Variants in ANK3 observed in about 807,000 individuals in gnomAD.
The protein encoded by ANK3 is ankyrin-3.
Under a neutral mutation model 370.9 loss-of-function variants are expected in ANK3, and 57 were observed. That is an observed-to-expected ratio of 0.15 (90% CI 0.12 to 0.19). The LOEUF is 0.19. Ranked by LOEUF, ANK3 falls within the 10% of genes least tolerant of loss-of-function variation. The probability of loss-of-function intolerance (pLI) is 1.00; values close to 1 mark genes in which losing one functional copy is unlikely to be tolerated. For synonymous variants in ANK3, 1,929 were observed against 1,946.3 expected (o/e 0.99, Z 0.23); for missense variants, 4,439 against 5,302.1 (o/e 0.84, Z 5.06).
rs1419479489 is a variant in ANK3, at chr10:60,080,713, G to C, written c.4351-95C>G. The C allele has an allele frequency of 1.0e-5, 10 of 973,350 alleles. No homozygotes were observed. The East Asian group carries it at 2.7e-4, about 26-fold the overall frequency. 60.3% of individuals were successfully genotyped at this position (973,350 alleles called of 1,614,324 possible). ...TTGTAGGATGGCATGTTGATAACTT[G>C]TTTATTTTCCTTCTTAGGAAATGTT... On this transcript the variant is annotated intron_variant, in intron 35 of 43. Transcript: ENST00000280772.
At chr10:60,271,568 T>C (rs1334551807) in intron 4 of ANK3, among the ~76,000 whole-genome samples, 5 of 152,222 alleles carry the variant, frequency 3.3e-5, no homozygotes, top group South Asian at 4.2e-4. Flanking sequence ...GTTCCAGAAA[T>C]TTTACTGTAT....
intron 33 of ANK3, among the ~76,000 whole-genome samples, chr10:60,083,085 TC>T (rs1675825773): frequency 6.6e-6 from 1 of 152,154 alleles, no homozygotes; most frequent in Admixed American, 6.6e-5. Context: ...AATTTTCCTC[TC>T]TCCTTCTGTT....
At chr10:60,686,723 T>C (rs1362068031) in intron 1 of ANK3, among the ~76,000 whole-genome samples, 2 of 152,166 alleles carry the variant, frequency 1.3e-5, no homozygotes, top group African/African-American at 4.8e-5. Context: ...CATGACACAG[T>C]CTCTTCATAG....
At chr10:60,330,227 C>T (rs780397882) in intron 1 of ANK3, among the ~76,000 whole-genome samples, 1 of 152,092 alleles carries the variant, frequency 6.6e-6, no homozygotes, top group Admixed American at 6.5e-5. Context: ...TAGGCATGGG[C>T]GAAGACTTCA....
At chr10:60,261,253 C>A (rs532227228) in intron 7 of ANK3, among the ~76,000 whole-genome samples, 5 of 152,246 alleles carry the variant, frequency 3.3e-5, no homozygotes, top group East Asian at 1.9e-4. Context: ...AGCTGAACAC[C>A]AGTTTTTAAA....
intron 1 of ANK3, among the ~76,000 whole-genome samples, chr10:60,338,494 A>G (rs1407203014): frequency 6.6e-6 from 1 of 152,202 alleles, no homozygotes; most frequent in Non-Finnish European, 1.5e-5. Context: ...GAAATGGGCT[A>G]TAAGCAGACA....
chr10:60,063,237 C>T lies in ANK3; in HGVS notation c.12469G>A (p.Val4157Ile), dbSNP rs2080953125. ...KNATTDALTS[V>I]LTKINRIDIV... is the part of the protein sequence containing the mutation. ...TCTATTCGATTAATTTTTGTCAAGA[C>T]CGAAGTTAAGGCATCAGCTGAAAAG... The change falls in exon 40 of 44, where the codon GTC (valine) becomes ATC (isoleucine). Residue 4157 changes from valine to isoleucine, a missense_variant. Physicochemically the swap from Val to Ile is conservative, Grantham distance 29. This residue lies in a region of ANK3 where 99 missense variants were observed against 150.7 expected (regional missense o/e 0.66). Coordinates refer to ENST00000280772, the MANE Select transcript of ANK3 (RefSeq NM_020987.5). The T allele has an allele frequency of 2.5e-6, 4 of 1,606,722 alleles. No homozygotes were observed. The highest frequency in any genetic ancestry group is 2.5e-6 in the Non-Finnish European group (3 of 1,177,540).
rs189263064 is a variant in ANK3 at position 60,409,157 on chromosome 10, G to A, written c.97-129518C>T. Among the ~76,000 whole-genome samples, 27 of 152,228 alleles carry A rather than the reference G, an allele frequency of 1.8e-4. 1 individual carries two copies. The East Asian group carries it at 2.9e-3, about 16-fold the overall frequency. On this transcript the variant is annotated intron_variant, in intron 2 of 43. Coordinates refer to the ANK3 transcript ENST00000373827. ...AGTGAGGGTTACAGCTGATTTCTCC[G>A]TTTTATGGGTTTCATTAAAAAGAAA...
intron 1 of ANK3, among the ~76,000 whole-genome samples, chr10:60,687,600 C>A (rs140593831): frequency 5.3e-5 from 8 of 152,056 alleles, no homozygotes; most frequent in Non-Finnish European, 1.2e-4. Flanking sequence ...GATGCCCTTG[C>A]ACACTATTGG....
At chr10:60,609,605 A>C (rs577766897) in intron 2 of ANK3, among the ~76,000 whole-genome samples, 1 of 152,176 alleles carries the variant, frequency 6.6e-6, no homozygotes, top group South Asian at 2.1e-4. Context: ...CAAAACAGTG[A>C]GATAATATGA....
intron 7 of ANK3, among the ~76,000 whole-genome samples, chr10:60,241,011 A>T (rs2097448278): frequency 6.6e-6 from 1 of 152,172 alleles, no homozygotes; most frequent in African/African-American, 2.4e-5. Flanking sequence ...AGATGGTTGT[A>T]TTTTAATATT....
intron 7 of ANK3, among the ~76,000 whole-genome samples, chr10:60,248,648 A>T (rs1334026303): frequency 6.6e-6 from 1 of 152,232 alleles, no homozygotes; most frequent in Non-Finnish European, 1.5e-5. Flanking sequence ...AGGCTCTATG[A>T]AACATGCCTC....
intron 1 of ANK3, among the ~76,000 whole-genome samples, chr10:60,635,976 T>C (rs1224601979): frequency 2.0e-5 from 3 of 152,190 alleles, no homozygotes; most frequent in Admixed American, 1.3e-4. Flanking sequence ...ATTTTAACTA[T>C]ATTCATAGTG....
chr10:60,174,242 C>T (rs1001987452), intron 18 of ANK3, among the ~76,000 whole-genome samples: 9 of 152,186 alleles, frequency 5.9e-5, no homozygotes, highest in South Asian at 2.1e-4. Flanking sequence ...TGCCCTAGAG[C>T]GGTGACTCTT....
chr10:60,104,405 G>GAAAGAAAGA (rs2091880730), intron 28 of ANK3, among the ~76,000 whole-genome samples: 1 of 88,290 alleles, frequency 1.1e-5, no homozygotes, highest in Non-Finnish European at 2.0e-5. Context: ...AACAAAGAAA[G>GAAAGAAAGA]AAAGAAAAGA....
intron 1 of ANK3, among the ~76,000 whole-genome samples, chr10:60,701,809 T>A (rs971035636): frequency 6.6e-6 from 1 of 152,144 alleles, no homozygotes; most frequent in African/African-American, 2.4e-5. Context: ...AGTATATATA[T>A]AAATGTGTAT....
At chr10:60,693,477 C>A (rs1469682612) in intron 1 of ANK3, among the ~76,000 whole-genome samples, 1 of 152,236 alleles carries the variant, frequency 6.6e-6, no homozygotes, top group Non-Finnish European at 1.5e-5. Flanking sequence ...ACAGCAGTAA[C>A]CTCTGCAGAC....
chr10:60,459,145 G>A lies in ANK3; in HGVS notation c.96+156041C>T, dbSNP rs147688598. On this transcript the variant is annotated intron_variant, in intron 2 of 43. Transcript: ENST00000373827. ...GGCTTACGAGGAACAAATATATTCC[G>A]TTTCCAAAGGATAGACATGTTATAT... Among the ~76,000 whole-genome samples, 229 of 152,186 alleles carry A rather than the reference G, an allele frequency of 1.5e-3. 1 individual carries two copies. Among genetic ancestry groups the A allele is most frequent in the Middle Eastern group, 6.8e-3 (2 of 292 alleles).
At chr10:60,182,443 A>T (rs2096221268) in intron 17 of ANK3, among the ~76,000 whole-genome samples, 1 of 152,216 alleles carries the variant, frequency 6.6e-6, no homozygotes, top group South Asian at 2.1e-4. Flanking sequence ...CTCCGGTTTT[A>T]AAAAACCTCT....
Sources: gnomAD v4.1 joint callset for allele counts (sites outside exome capture counted in the v4.1 genomes callset) on GRCh38, gnomAD v4.1.1 for gene constraint, gnomAD v4.1.1 regional missense constraint, MANE v1.5 for transcripts, NCBI Gene and HGNC (gene_info 2026-07-23, HGNC 2026-07-21) for gene names.